Variants in B3GAT2 observed in about 807,000 individuals in gnomAD.
B3GAT2 encodes the protein galactosylgalactosylxylosylprotein 3-beta-glucuronosyltransferase 2.
B3GAT2 carries 26 observed loss-of-function variants against 27.8 expected under a neutral mutation model. The ratio of observed to expected loss-of-function variants is 0.93; its 90% CI spans 0.68 to 1.30. The LOEUF is 1.30. B3GAT2 is among the 50% of genes most tolerant of loss of function. B3GAT2 has a pLI of 0.00. For synonymous variants in B3GAT2, 218 were observed against 195.1 expected, an observed-to-expected ratio of 1.12 and a Z score of -0.98; for missense variants, 458 against 459.0, an observed-to-expected ratio of 1.00 and a Z score of 0.02.
chr6:70,903,739 A>G (rs923587520), intron 1 of B3GAT2, among the ~76,000 whole-genome samples: 1 of 152,214 alleles, frequency 6.6e-6, no homozygotes, highest in African/African-American at 2.4e-5. Context: ...AAGATTGGCA[A>G]TACCAAGAGC....
At chr6:70,915,564 T>C (rs558044660) in intron 1 of B3GAT2, among the ~76,000 whole-genome samples, 2 of 152,334 alleles carry the variant, frequency 1.3e-5, no homozygotes, top group South Asian at 2.1e-4. Flanking sequence ...CTTTTATCCA[T>C]CTTGAGTTAA....
rs952630643 is a variant in B3GAT2 at position 70,951,305 on chromosome 6, A to G, written c.591+4534T>C. On this transcript the variant is annotated intron_variant, in intron 1 of 3. Transcript: ENST00000230053. ...TATTTTGCTTTTGCAGCATGCCTTAAAAGCAATTACTATTCCATTACTGTT... is the reference window on the plus strand; with the variant it reads ...TATTTTGCTTTTGCAGCATGCCTTAGAAGCAATTACTATTCCATTACTGTT... Among the ~76,000 whole-genome samples, 4 of 152,322 alleles carry G rather than the reference A, an allele frequency of 2.6e-5. No homozygotes were observed. The South Asian group carries it at 6.2e-4, about 24-fold the overall frequency.
Position 70,917,064 on chromosome 6 carries a change from C to T in B3GAT2, c.592-22792G>A, listed in dbSNP as rs142540693. On this transcript the variant is annotated intron_variant, in intron 1 of 3. Coordinates refer to ENST00000230053, the MANE Select transcript of B3GAT2 (RefSeq NM_080742.3). ...TGGTTGGTTGGCTATTAATTATTGC[C>T]TCAATTTCAGAAGCTGTCACTGAAC... 6.6e-5 allele frequency among the ~76,000 whole-genome samples: 10 copies of T among 152,238 alleles called. No homozygotes were observed. In the East Asian group the frequency reaches 1.9e-3, roughly 29 times the overall value.
At chr6:70,947,647 G>A (rs1419783992) in intron 1 of B3GAT2, among the ~76,000 whole-genome samples, 1 of 150,926 alleles carries the variant, frequency 6.6e-6, no homozygotes, top group Non-Finnish European at 1.5e-5. Flanking sequence ...AATTCTACCA[G>A]AGGTACAAGG....
intron 2 of B3GAT2, among the ~76,000 whole-genome samples, chr6:70,877,752 AAAACAC>A (rs1772037696): frequency 6.6e-6 from 1 of 152,208 alleles, no homozygotes. Flanking sequence ...AACTGTGGGT[AAAACAC>A]ACTGTCCTAA....
intron 1 of B3GAT2, among the ~76,000 whole-genome samples, chr6:70,936,066 A>G (rs2150047505): frequency 6.6e-6 from 1 of 151,802 alleles, no homozygotes; most frequent in African/African-American, 2.4e-5. Context: ...AGATCTACCA[A>G]GCAAATGGAA....
At chr6:70,884,899 G>A (rs1289196285) in intron 2 of B3GAT2, among the ~76,000 whole-genome samples, 2 of 152,170 alleles carry the variant, frequency 1.3e-5, no homozygotes, top group Non-Finnish European at 2.9e-5. Context: ...GCTGCTCAGG[G>A]AGCCCAGGAA....
At chr6:70,868,502 C>T (rs1193062126) in intron 2 of B3GAT2, among the ~76,000 whole-genome samples, 2 of 152,218 alleles carry the variant, frequency 1.3e-5, no homozygotes, top group East Asian at 3.8e-4. Context: ...TCCAACTATA[C>T]ATCATCTAAT....
At chr6:70,870,547 TA>T (rs1050277040) in intron 2 of B3GAT2, among the ~76,000 whole-genome samples, 7 of 147,594 alleles carry the variant, frequency 4.7e-5, no homozygotes, top group South Asian at 2.2e-4. Context: ...ATAATAATAA[TA>T]AAAAAAAGAA....
chr6:70,858,351 A>T lies in B3GAT2; in HGVS notation c.*3312T>A. Reference sequence around the variant, plus strand: ...ATCTGGCAGAAAGAATTCAATAGGGATAATATGTTATAGGGTCAAAAGTAT... The same window carrying T: ...ATCTGGCAGAAAGAATTCAATAGGGTTAATATGTTATAGGGTCAAAAGTAT... On this transcript the variant is annotated 3_prime_UTR_variant, in exon 4 of 4. Transcript: ENST00000230053. 2.5e-6 allele frequency: 2 copies of T among 814,180 alleles called. No homozygotes were observed. Among genetic ancestry groups the T allele is most frequent in the Non-Finnish European group, 3.6e-6 (2 of 561,032 alleles). The allele number at this position is 814,180 out of a possible 1,614,324, so 50.4% of individuals were successfully genotyped here.
chr6:70,905,516 C>G (rs1311165237), intron 1 of B3GAT2, among the ~76,000 whole-genome samples: 1 of 152,186 alleles, frequency 6.6e-6, no homozygotes, highest in East Asian at 1.9e-4. Context: ...GTCTAATGTA[C>G]TCCGATAACC....
At chr6:70,933,129 C>A (rs542917298) in intron 1 of B3GAT2, among the ~76,000 whole-genome samples, 1 of 152,278 alleles carries the variant, frequency 6.6e-6, no homozygotes, top group South Asian at 2.1e-4. Flanking sequence ...ACTAGATTTA[C>A]AAGAGCCAAT....
chr6:70,952,778 T>G (rs1233391795), intron 1 of B3GAT2, among the ~76,000 whole-genome samples: 1 of 152,242 alleles, frequency 6.6e-6, no homozygotes, highest in Non-Finnish European at 1.5e-5. Flanking sequence ...TGGATTTGGC[T>G]GTTAACATAA....
At position 70,956,172 on chromosome 6, in the gene B3GAT2, C is replaced by A. The variant is rs147151504; in HGVS notation, c.258G>T (p.Thr86=). 2.4e-5 allele frequency: 38 copies of A among 1,609,674 alleles called. No individual in the cohort carries two copies. Among genetic ancestry groups the A allele is most frequent in the Non-Finnish European group, 3.1e-5 (36 of 1,177,844 alleles). The change falls in exon 1 of 4, where the codon ACG becomes ACT. Residue 86 remains threonine, a synonymous_variant. Coordinates refer to ENST00000230053, the MANE Select transcript of B3GAT2 (RefSeq NM_080742.3). ...TCTGCACCGGGCGGCTGTAGGTGGG[C>A]GTGATGGCATAGATGGTGGGCAGCT... The part of the protein sequence containing the change: ...EPQLPTIYAI[T]PTYSRPVQKA...
At position 70,921,486 on chromosome 6, in the gene B3GAT2, G is replaced by A. The variant is rs924245711; in HGVS notation, c.592-27214C>T. 1.1e-4 allele frequency among the ~76,000 whole-genome samples: 16 copies of A among 152,188 alleles called. No homozygotes were observed. In the East Asian group the frequency reaches 1.4e-3, roughly 13 times the overall value. ...GGTTCTTTCTTAAAATGGCTATTTC[G>A]TTTCATCTCTTGTATTGTTTTATTG... On this transcript the variant is annotated intron_variant, in intron 1 of 3. Coordinates refer to ENST00000230053, the MANE Select transcript of B3GAT2 (RefSeq NM_080742.3).
At position 70,859,370 on chromosome 6, in the gene B3GAT2, T is replaced by G; in HGVS notation, c.*2293A>C. 6.5e-7 allele frequency: 1 copy of G among 1,549,352 alleles called. No homozygotes were observed. Among genetic ancestry groups the G allele is most frequent in the Non-Finnish European group, 8.7e-7 (1 of 1,146,420 alleles). ...ATGCTGTTCTCCAGCACTCCATCAG[T>G]GCAATCTACTGGCCAATGACAAGGT... On this transcript the variant is annotated 3_prime_UTR_variant, in exon 4 of 4. Transcript: ENST00000230053.
At chr6:70,870,659 C>A (rs763670802) in intron 2 of B3GAT2, among the ~76,000 whole-genome samples, 4 of 151,252 alleles carry the variant, frequency 2.6e-5, no homozygotes, top group African/African-American at 9.7e-5. Context: ...AACAAAAAAA[C>A]AGTTATGTGT....
chr6:70,918,818 G>A (rs936213501), intron 1 of B3GAT2, among the ~76,000 whole-genome samples: 3 of 152,128 alleles, frequency 2.0e-5, no homozygotes, highest in Non-Finnish European at 4.4e-5. Context: ...CTCTCTGGCT[G>A]CCCTTAACAT....
At chr6:70,929,031 T>C (rs1773013134) in intron 1 of B3GAT2, among the ~76,000 whole-genome samples, 1 of 152,072 alleles carries the variant, frequency 6.6e-6, no homozygotes, top group African/African-American at 2.4e-5. Context: ...TATGCAGCCA[T>C]AAAAAAGGAT....
Sources: allele counts gnomAD v4.1 joint callset (sites outside exome capture counted in the v4.1 genomes callset), GRCh38; gene constraint gnomAD v4.1.1; transcripts MANE v1.5; gene names NCBI Gene and HGNC (gene_info 2026-07-23, HGNC 2026-07-21).